PRRC2C: variants seen among roughly 807,000 people sequenced by gnomAD.
PRRC2C encodes proline rich coiled-coil 2C, also known as protein PRRC2C.
Under a neutral mutation model 317.2 loss-of-function variants are expected in PRRC2C, and 72 were observed. That is an observed-to-expected ratio of 0.23 (90% CI 0.19 to 0.28). The LOEUF (loss-of-function observed/expected upper bound fraction) is 0.28. Ranked by LOEUF, PRRC2C falls within the 10% of genes least tolerant of loss-of-function variation. PRRC2C has a pLI of 1.00. For synonymous variants in PRRC2C, 1,296 were observed against 1,205.9 expected, an observed-to-expected ratio of 1.07 and a Z score of -1.55; for missense variants, 3,074 against 3,459.7, an observed-to-expected ratio of 0.89 and a Z score of 2.80.
intron 25 of PRRC2C, 144 bp downstream of exon 25, chr1:171,575,272 G>C (rs568386233): frequency 3.7e-6 from 3 of 800,670 alleles, no homozygotes; most frequent in African/African-American, 3.5e-5. Context: ...TGGGATTACA[G>C]GCATGAGCCA....
intron 28 of PRRC2C, among the ~76,000 whole-genome samples, chr1:171,580,881 T>C (rs1648413571): frequency 6.6e-6 from 1 of 152,222 alleles, no homozygotes; most frequent in African/African-American, 2.4e-5. Flanking sequence ...TTTAGGAATT[T>C]GTTTTCAGAA....
chr1:171,583,574 A>T (rs933839033), intron 28 of PRRC2C, among the ~76,000 whole-genome samples: 1 of 152,246 alleles, frequency 6.6e-6, no homozygotes, highest in South Asian at 2.1e-4. Context: ...TAAAATAACC[A>T]GAAAATGTAT....
At chr1:171,550,061 C>T (rs1465848299) in intron 17 of PRRC2C, 25 bp from the exon 18 acceptor site, 2 of 1,509,830 alleles carry the variant, frequency 1.3e-6, no homozygotes, top group Admixed American at 2.2e-5. Flanking sequence ...CAGAAAATAT[C>T]TTAAATCCTT....
chr1:171,552,762 T>C (rs1235934722), intron 18 of PRRC2C, among the ~76,000 whole-genome samples: 2 of 152,124 alleles, frequency 1.3e-5, no homozygotes, highest in South Asian at 2.1e-4. Flanking sequence ...TGATGGATAA[T>C]GTTTATTGAT....
intron 18 of PRRC2C, among the ~76,000 whole-genome samples, chr1:171,551,722 C>A (rs1201219136): frequency 2.6e-5 from 4 of 152,170 alleles, no homozygotes; most frequent in Non-Finnish European, 4.4e-5. Flanking sequence ...ATAGGGAATC[C>A]TTTCTCCATT....
chr1:171,495,031 TACTC>T (rs1351082444), intron 1 of PRRC2C, among the ~76,000 whole-genome samples: 1 of 152,216 alleles, frequency 6.6e-6, no homozygotes, highest in Non-Finnish European at 1.5e-5. Flanking sequence ...TAATGTAACT[TACTC>T]ACTTATGGAT....
In PRRC2C at chr1:171,591,759, C is replaced by T. The variant is rs202081291; in HGVS notation, c.8609C>T (p.Pro2870Leu). 1.2e-6 allele frequency: 2 copies of T among 1,613,548 alleles called. No homozygotes were observed. Among genetic ancestry groups the T allele is most frequent in the Admixed American group, 1.7e-5 (1 of 59,986 alleles). ...GVCQEKVEEK[P>L]PPAPSIATKP... ...TGTCAGGAAAAAGTAGAAGAAAAGCCACCCCCTGCACCCTCCATAGCCACC... is the reference window on the plus strand; with the variant it reads ...TGTCAGGAAAAAGTAGAAGAAAAGCTACCCCCTGCACCCTCCATAGCCACC... Residue 2870 changes from proline (P) to leucine (L), a missense_variant, in exon 35 of 35, where the codon CCA becomes CTA. Transcript: ENST00000647382.
chr1:171,585,498 A>T (rs12080096), intron 30 of PRRC2C, among the ~76,000 whole-genome samples: 2,245 of 152,252 alleles, frequency 0.015, 60 homozygotes, highest in African/African-American at 0.051. Flanking sequence ...TTGCTATTTT[A>T]GGGAGTGATA....
chr1:171,541,405 T>G lies in PRRC2C; in HGVS notation c.3939T>G (p.Val1313=). The G allele has an allele frequency of 6.2e-7, 1 of 1,613,720 alleles. No homozygotes were observed. The highest frequency in any genetic ancestry group is 1.1e-5 in the South Asian group (1 of 91,028). Residue 1313 remains valine (V), a synonymous_variant, in exon 16 of 35, where the codon GTT becomes GTG. Transcript: ENST00000647382. This position sits in a 1 kb window ranked among gnomAD's most constrained non-coding sequence, Gnocchi z 4.1. Reference sequence around the variant, plus strand: ...CTTCTTTCAAGCCTGATAATCATGTTCGAATAGATAATAGACTGCTAGAAA... The same window carrying G: ...CTTCTTTCAAGCCTGATAATCATGTGCGAATAGATAATAGACTGCTAGAAA... The part of the protein sequence containing the change: ...PHSSFKPDNH[V]RIDNRLLEKP...
At chr1:171,536,380 C>A in intron 14 of PRRC2C, 102 bp downstream of exon 14, 1 of 1,303,780 alleles carries the variant, frequency 7.7e-7, no homozygotes, top group Non-Finnish European at 1.1e-6. Flanking sequence ...AAAACTTAAA[C>A]CTCCGATTTT....
chr1:171,560,993 G>C (rs762834824), intron 19 of PRRC2C, 25 bp from the exon 20 acceptor site: 1 of 1,534,718 alleles, frequency 6.5e-7, no homozygotes, highest in African/African-American at 1.4e-5. Context: ...TCTTAATCAT[G>C]TTTTTTATGG....
chr1:171,517,876 C>T (rs1672666964), intron 6 of PRRC2C, 62 bp downstream of exon 6: 4 of 1,424,174 alleles, frequency 2.8e-6, no homozygotes, highest in African/African-American at 1.4e-5. Flanking sequence ...GTCCAAGGAG[C>T]GAATTGTTAT....
intron 12 of PRRC2C, 89 bp downstream of exon 12, chr1:171,533,050 G>T: frequency 8.0e-7 from 1 of 1,249,788 alleles, no homozygotes; most frequent in Non-Finnish European, 1.1e-6. Context: ...TTAAATATAT[G>T]TAATCAATAT....
chr1:171,488,325 G>A (rs1029544073), intron 1 of PRRC2C, among the ~76,000 whole-genome samples: 1 of 152,166 alleles, frequency 6.6e-6, no homozygotes, highest in African/African-American at 2.4e-5. Context: ...CTTATGAATA[G>A]GACAACACAA....
chr1:171,522,867 CT>C lies in PRRC2C; in HGVS notation c.834-341del, dbSNP rs74861803. Among the ~76,000 whole-genome samples the C allele has an allele frequency of 5.7e-3, 807 of 141,118 alleles. 8 individuals carry two copies. Among genetic ancestry groups the C allele is most frequent in the East Asian group, 0.036 (175 of 4,860 alleles). The allele number at this position is 141,118 out of a possible 152,430, so 92.6% of individuals were successfully genotyped here. On this transcript the variant is annotated intron_variant, in intron 7 of 34. Transcript: ENST00000647382. ...ATATTATGGACTCCCCATTTTCTTT[CT>C]TTTTTTTTTTTTGCTTATTATATGA...
chr1:171,550,296 A>G, intron 18 of PRRC2C, 56 bp downstream of exon 18: 1 of 1,448,570 alleles, frequency 6.9e-7, no homozygotes, highest in Non-Finnish European at 9.3e-7. Context: ...CCCAAAGTGT[A>G]TCAGCAAATG....
intron 14 of PRRC2C, 61 bp from the exon 15 acceptor site, chr1:171,537,202 G>A: frequency 7.9e-7 from 1 of 1,273,066 alleles, no homozygotes. Context: ...TGTCTATCAT[G>A]GTTTTGTTTC....
rs1681790400 is a variant in PRRC2C at position 171,558,079 on chromosome 1, G to C, written c.5967G>C (p.Leu1989=). The change falls in exon 19 of 35, where the codon CTG becomes CTC. Residue 1989 remains leucine, a synonymous_variant. Transcript: ENST00000647382. ...AGACCCCACAGTCACATGGCACTCT[G>C]ACAGCTGAATTATGGGATAACAAGG... ...SIQTPQSHGT[L]TAELWDNKVA... 2.5e-6 allele frequency: 4 copies of C among 1,613,840 alleles called. No individual in the cohort carries two copies. Among genetic ancestry groups the C allele is most frequent in the Non-Finnish European group, 3.4e-6 (4 of 1,179,892 alleles).
At position 171,518,885 on chromosome 1, in the gene PRRC2C, C is replaced by CTT. The variant is rs767023404; in HGVS notation, c.750+1085_750+1086dup. On this transcript the variant is annotated intron_variant, in intron 6 of 34. Transcript: ENST00000647382. ...AATGAATCTGCCTCTTTTCCTACCACTTTTTTTTTTTTTTTGAAACAGAGT... is the reference window on the plus strand; with the variant it reads ...AATGAATCTGCCTCTTTTCCTACCACTTTTTTTTTTTTTTTTTGAAACAGAGT... 3.1e-5 allele frequency among the ~76,000 whole-genome samples: 4 copies of CTT among 130,888 alleles called. No individual in the cohort carries two copies. The South Asian group carries it at 1.0e-3, about 33-fold the overall frequency. 85.9% of individuals were successfully genotyped at this position (130,888 alleles called of 152,430 possible).
Sources: gnomAD v4.1 joint callset for allele counts (sites outside exome capture counted in the v4.1 genomes callset) on GRCh38, gnomAD v4.1.1 for gene constraint, Gnocchi (gnomAD v3.1) non-coding constraint, MANE v1.5 for transcripts, NCBI Gene and HGNC (gene_info 2026-07-23, HGNC 2026-07-21) for gene names.